The following WDR48 variants were observed in gnomAD, a reference collection of about 807,000 sequenced individuals.
WDR48 encodes WD repeat domain 48.
WDR48 carries 22 observed loss-of-function variants against 94.0 expected under a neutral mutation model. That is an observed-to-expected ratio of 0.23 (90% CI 0.17 to 0.33). The LOEUF is 0.33. Ranked by LOEUF, WDR48 falls within the 10% of genes least tolerant of loss-of-function variation. WDR48 has a pLI of 1.00. For missense variants in WDR48, 541 were observed against 813.8 expected (o/e 0.66, Z 4.08); for synonymous variants, 278 against 280.5 (o/e 0.99, Z 0.09).
At chr3:39,075,077 A>G (rs1015769478) in intron 8 of WDR48, 127 bp downstream of exon 8, 1 of 887,586 alleles carries the variant, frequency 1.1e-6, no homozygotes, top group Non-Finnish European at 1.7e-6. Flanking sequence ...TGTAAAAAAG[A>G]TATTCCATCA....
At chr3:39,069,241 C>T (rs2033791579) in intron 6 of WDR48, among the ~76,000 whole-genome samples, 1 of 152,218 alleles carries the variant, frequency 6.6e-6, no homozygotes, top group Non-Finnish European at 1.5e-5. Flanking sequence ...TCCCAGAGTG[C>T]TGAGATTACA....
At chr3:39,092,614 C>T (rs2035137838) in intron 17 of WDR48, among the ~76,000 whole-genome samples, 1 of 152,002 alleles carries the variant, frequency 6.6e-6, no homozygotes, top group Non-Finnish European at 1.5e-5. Context: ...ACTTTTGAGC[C>T]AATGTGGGAT....
chr3:39,092,894 C>T (rs1230876125), intron 17 of WDR48, among the ~76,000 whole-genome samples: 1 of 151,966 alleles, frequency 6.6e-6, no homozygotes, highest in Non-Finnish European at 1.5e-5. Context: ...CACACACACA[C>T]ACACACACAC....
intron 2 of WDR48, among the ~76,000 whole-genome samples, chr3:39,064,575 A>C (rs904520007): frequency 2.6e-5 from 4 of 152,190 alleles, no homozygotes; most frequent in Non-Finnish European, 5.9e-5. Flanking sequence ...GCGCCTGGCC[A>C]GATCCATTTT....
chr3:39,080,503 C>T (rs1370187283), intron 11 of WDR48, among the ~76,000 whole-genome samples: 1 of 152,212 alleles, frequency 6.6e-6, no homozygotes, highest in Non-Finnish European at 1.5e-5. Flanking sequence ...TCACAAGTCT[C>T]TCTCTTAGTG....
intron 9 of WDR48, chr3:39,077,907 C>G (rs1177233147): frequency 1.7e-5 from 7 of 413,676 alleles, no homozygotes; most frequent in Non-Finnish European, 2.6e-5. Context: ...GAAGAGCACT[C>G]CTGCTTTCAT....
intron 3 of WDR48, 138 bp downstream of exon 3, chr3:39,066,027 C>T: frequency 1.6e-6 from 1 of 607,042 alleles, no homozygotes. Flanking sequence ...AAAGTGAATA[C>T]CCAAATCAAG....
chr3:39,071,812 C>CA (rs1206636861), intron 7 of WDR48, among the ~76,000 whole-genome samples: 1 of 151,666 alleles, frequency 6.6e-6, no homozygotes, highest in Non-Finnish European at 1.5e-5. Flanking sequence ...AATTGATCAA[C>CA]AAAAAACTAT....
At chr3:39,065,987 C>G in intron 3 of WDR48, 98 bp downstream of exon 3, 1 of 798,146 alleles carries the variant, frequency 1.3e-6, no homozygotes, top group Non-Finnish European at 1.9e-6. Context: ...AGTACACACA[C>G]TTCGAGATTG....
chr3:39,076,440 G>T (rs1254391036), intron 8 of WDR48, among the ~76,000 whole-genome samples: 1 of 152,168 alleles, frequency 6.6e-6, no homozygotes, highest in East Asian at 1.9e-4. Flanking sequence ...TGTTGGCTGT[G>T]GGGGAAAGAC....
chr3:39,094,094 A>G, intron 18 of WDR48, 28 bp downstream of exon 18: 1 of 1,592,168 alleles, frequency 6.3e-7, no homozygotes, highest in South Asian at 1.2e-5. Context: ...CTACAGCCCC[A>G]ATTTTTCCAG....
chr3:39,062,604 T>C (rs1042645020), intron 1 of WDR48, among the ~76,000 whole-genome samples: 1 of 152,112 alleles, frequency 6.6e-6, no homozygotes, highest in African/African-American at 2.4e-5. Flanking sequence ...TGTGTGATGG[T>C]CTGGAGGCAC....
chr3:39,055,497 A>C (rs899004544), intron 1 of WDR48, among the ~76,000 whole-genome samples: 9 of 152,172 alleles, frequency 5.9e-5, no homozygotes, highest in Non-Finnish European at 7.4e-5. Flanking sequence ...AAATAAAATA[A>C]AATGATACTT....
At chr3:39,061,029 T>C (rs2033224806) in intron 1 of WDR48, among the ~76,000 whole-genome samples, 1 of 152,302 alleles carries the variant, frequency 6.6e-6, no homozygotes, top group East Asian at 1.9e-4. Flanking sequence ...ATAGAAAAAT[T>C]CGTTTTTGGT....
chr3:39,073,100 T>C (rs1011537255), intron 7 of WDR48, among the ~76,000 whole-genome samples: 3 of 152,188 alleles, frequency 2.0e-5, no homozygotes, highest in African/African-American at 7.2e-5. Context: ...TCTTACTCTG[T>C]AGATGCATAG....
At chr3:39,089,361 A>G (rs1159934450) in intron 16 of WDR48, 43 bp downstream of exon 16, 9 of 1,565,472 alleles carry the variant, frequency 5.7e-6, no homozygotes, top group Admixed American at 3.4e-5. Context: ...ATTTTTTTGT[A>G]ACTCATGAAA....
intron 11 of WDR48, among the ~76,000 whole-genome samples, chr3:39,080,036 A>G (rs978407116): frequency 1.3e-5 from 2 of 151,952 alleles, no homozygotes; most frequent in South Asian, 4.1e-4. Flanking sequence ...ATTGCAGACA[A>G]TCTTATATGC....
rs539440535 is a variant in WDR48 at position 39,089,483 on chromosome 3, ATTAT to A, written c.1668+170_1668+173del. On this transcript the variant is annotated intron_variant, in intron 16 of 18. Transcript: ENST00000302313. ...CAAAGTTGCAGAAATAGTACTGATA[ATTAT>A]TTATCTATCTAGCTTTGTTGGTTTT... The A allele has an allele frequency of 9.3e-4, 428 of 462,578 alleles. 3 individuals are homozygous for A. Among genetic ancestry groups the A allele is most frequent in the African/African-American group, 7.9e-3 (393 of 49,956 alleles). 28.7% of individuals were successfully genotyped at this position (462,578 alleles called of 1,614,324 possible). A position where few individuals can be genotyped will look rare whatever the true frequency, so the allele number is the denominator to read the frequency against.
rs1575444501 is a variant in WDR48, at chr3:39,095,838, T to C, written c.*1095T>C. On this transcript the variant is annotated 3_prime_UTR_variant, in exon 19 of 19. Coordinates refer to ENST00000302313, the MANE Select transcript of WDR48 (RefSeq NM_020839.4). The stretch of plus-strand genomic sequence containing the variant: ...AGTGTAACTTATTGGGGATAAACAC[T>C]TCAACTTTTGGCAGAAAATACTTTG... 2.6e-5 allele frequency: 4 copies of C among 152,658 alleles called. No homozygotes were observed. Among genetic ancestry groups the C allele is most frequent in the African/African-American group, 9.6e-5 (4 of 41,454 alleles). 9.5% of individuals were successfully genotyped at this position (152,658 alleles called of 1,614,324 possible).
Sources: allele counts gnomAD v4.1 joint callset (sites outside exome capture counted in the v4.1 genomes callset), GRCh38; gene constraint gnomAD v4.1.1; transcripts MANE v1.5; gene names NCBI Gene and HGNC (gene_info 2026-07-23, HGNC 2026-07-21).